FMNL2: variants seen among roughly 807,000 people sequenced by gnomAD.
The protein encoded by FMNL2 is formin like 2, also known as formin-like protein 2.
A neutral mutation model predicts 130.2 loss-of-function variants in FMNL2; 51 were observed. The ratio of observed to expected loss-of-function variants is 0.39; its 90% CI spans 0.31 to 0.49. The LOEUF is 0.49. Among genes scored for constraint, FMNL2 ranks in the 20% least tolerant of loss-of-function variants. The probability of loss-of-function intolerance (pLI) is 0.85; values close to 1 mark genes in which losing one functional copy is unlikely to be tolerated. For missense variants in FMNL2, 977 were observed against 1,316.2 expected, an observed-to-expected ratio of 0.74 and a Z score of 3.99; for synonymous variants, 465 against 467.1, an observed-to-expected ratio of 1.00 and a Z score of 0.06.
intron 6 of FMNL2, among the ~76,000 whole-genome samples, chr2:152,574,704 T>C (rs1696381100): frequency 6.6e-6 from 1 of 152,184 alleles, no homozygotes; most frequent in Non-Finnish European, 1.5e-5. Context: ...CTGGAAGCTA[T>C]TGCTATCAAC....
At chr2:152,411,072 C>T (rs886979177) in intron 1 of FMNL2, among the ~76,000 whole-genome samples, 4 of 152,198 alleles carry the variant, frequency 2.6e-5, no homozygotes, top group Non-Finnish European at 4.4e-5. Flanking sequence ...TTCCCTCCTT[C>T]TTTGCCCCCC....
At chr2:152,432,880 CAGG>C (rs1687572399) in intron 1 of FMNL2, among the ~76,000 whole-genome samples, 1 of 152,144 alleles carries the variant, frequency 6.6e-6, no homozygotes, top group African/African-American at 2.4e-5. Context: ...TAGGATAATA[CAGG>C]AGAAGCTCCA....
chr2:152,373,662 G>A (rs929029892), intron 1 of FMNL2, among the ~76,000 whole-genome samples: 4 of 151,912 alleles, frequency 2.6e-5, no homozygotes, highest in Non-Finnish European at 5.9e-5. Flanking sequence ...TGGATTCAAC[G>A]TAGTACTTGG....
At chr2:152,615,704 T>G (rs1403471519) in intron 12 of FMNL2, among the ~76,000 whole-genome samples, 1 of 152,248 alleles carries the variant, frequency 6.6e-6, no homozygotes, top group Non-Finnish European at 1.5e-5. Context: ...AAAATGGTGC[T>G]TCTCAAAAAC....
At chr2:152,477,146 C>T (rs1690198323) in intron 1 of FMNL2, among the ~76,000 whole-genome samples, 2 of 152,106 alleles carry the variant, frequency 1.3e-5, no homozygotes, top group Non-Finnish European at 2.9e-5. Flanking sequence ...GGAAAGCTTA[C>T]CATAGAGATC....
rs1247832100 is a variant in FMNL2, at chr2:152,512,682, A to AT, written c.118-9258dup. Among the ~76,000 whole-genome samples, 5 of 152,278 alleles carry AT rather than the reference A, an allele frequency of 3.3e-5. No individual in the cohort carries two copies. In the East Asian group the frequency reaches 9.6e-4, roughly 29 times the overall value. On this transcript the variant is annotated intron_variant, in intron 1 of 25. Coordinates refer to ENST00000288670, the MANE Select transcript of FMNL2 (RefSeq NM_052905.4). ...TAAAACAGTAGATAATTCACATGAG[A>AT]TTTAGGGAATTCATTTTTGTCTGTT...
At chr2:152,363,183 G>T (rs962417473) in intron 1 of FMNL2, among the ~76,000 whole-genome samples, 1 of 152,150 alleles carries the variant, frequency 6.6e-6, no homozygotes, top group African/African-American at 2.4e-5. Context: ...TGAATCATAT[G>T]CTATAGGGAT....
intron 1 of FMNL2, among the ~76,000 whole-genome samples, chr2:152,504,022 C>G (rs1692006975): frequency 6.6e-6 from 1 of 152,176 alleles, no homozygotes; most frequent in Non-Finnish European, 1.5e-5. Context: ...AAATTCCGTT[C>G]TCTACTAAAA....
At chr2:152,418,116 G>T (rs919355905) in intron 1 of FMNL2, among the ~76,000 whole-genome samples, 5 of 152,082 alleles carry the variant, frequency 3.3e-5, no homozygotes, top group Admixed American at 1.3e-4. Context: ...AAACTGCTAG[G>T]ATTACAGGCA....
At chr2:152,469,570 C>T (rs1405780140) in intron 1 of FMNL2, among the ~76,000 whole-genome samples, 3 of 152,296 alleles carry the variant, frequency 2.0e-5, no homozygotes, top group East Asian at 1.9e-4. Context: ...GACTTCTGCT[C>T]CCCCTTGCGT....
At chr2:152,338,983 A>T (rs555077056) in intron 1 of FMNL2, among the ~76,000 whole-genome samples, 36 of 152,290 alleles carry the variant, frequency 2.4e-4, no homozygotes, top group African/African-American at 8.7e-4. Context: ...TTCTTTTAGG[A>T]TGTAAGGATG....
chr2:152,633,414 G>A (rs1214523828), intron 21 of FMNL2, among the ~76,000 whole-genome samples: 1 of 152,028 alleles, frequency 6.6e-6, no homozygotes, highest in Non-Finnish European at 1.5e-5. Context: ...CACTTCTTAA[G>A]GGTATATCAG....
At chr2:152,439,193 G>A (rs966883529) in intron 1 of FMNL2, among the ~76,000 whole-genome samples, 5 of 151,678 alleles carry the variant, frequency 3.3e-5, no homozygotes, top group Admixed American at 2.6e-4. Context: ...AAGTTGCTTG[G>A]TGTAGAAAAT....
chr2:152,600,220 G>A (rs776735688), intron 9 of FMNL2, among the ~76,000 whole-genome samples: 2 of 151,808 alleles, frequency 1.3e-5, no homozygotes, highest in Non-Finnish European at 2.9e-5. Context: ...CCTCTAAAAC[G>A]GTGCCTTCCT....
At chr2:152,497,375 T>C (rs1691572773) in intron 1 of FMNL2, among the ~76,000 whole-genome samples, 2 of 152,242 alleles carry the variant, frequency 1.3e-5, no homozygotes, top group African/African-American at 4.8e-5. Context: ...TAGGTTCTTC[T>C]CTACCTACTT....
chr2:152,527,875 G>C (rs1005313239), intron 2 of FMNL2, among the ~76,000 whole-genome samples: 2 of 152,044 alleles, frequency 1.3e-5, no homozygotes, highest in African/African-American at 4.8e-5. Flanking sequence ...CCAGGCCCAG[G>C]ATAAATCATT....
At chr2:152,426,839 T>C (rs1165138419) in intron 1 of FMNL2, among the ~76,000 whole-genome samples, 1 of 152,228 alleles carries the variant, frequency 6.6e-6, no homozygotes, top group East Asian at 1.9e-4. Context: ...TATCACCTGT[T>C]TGCATTAGGC....
rs1580130244 is a variant in FMNL2, at chr2:152,626,805, A to G, written c.2165+78A>G. On this transcript the variant is annotated intron_variant, in intron 17 of 25. Coordinates refer to ENST00000288670, the MANE Select transcript of FMNL2 (RefSeq NM_052905.4). ...AAAGTTATGAATTAGTAGATGACAA[A>G]TATTTCAATAGTGAGACAAGACCTA... 3 of 1,389,076 alleles carry G rather than the reference A, an allele frequency of 2.2e-6. No individual in the cohort carries two copies. In the East Asian group the frequency reaches 7.5e-5, roughly 35 times the overall value. The allele number at this position is 1,389,076 out of a possible 1,614,324, so 86.0% of individuals were successfully genotyped here. A position where few individuals can be genotyped will look rare whatever the true frequency, so the allele number is the denominator to read the frequency against.
chr2:152,575,446 C>G (rs1399972603), intron 7 of FMNL2, among the ~76,000 whole-genome samples: 2 of 60,834 alleles, frequency 3.3e-5, no homozygotes, highest in Non-Finnish European at 7.3e-5. Flanking sequence ...AAAAACCAAC[C>G]AAACAAAAAA....
Sources: gnomAD v4.1 joint callset for allele counts (sites outside exome capture counted in the v4.1 genomes callset) on GRCh38, gnomAD v4.1.1 for gene constraint, MANE v1.5 for transcripts, NCBI Gene and HGNC (gene_info 2026-07-23, HGNC 2026-07-21) for gene names.